Variants in TMEM260 observed in about 807,000 individuals in gnomAD.
The protein encoded by TMEM260 is transmembrane protein 260.
TMEM260 carries 82 observed loss-of-function variants against 88.9 expected under a neutral mutation model. The observed-to-expected ratio is 0.92, with a 90% confidence interval of 0.77 to 1.11. The LOEUF is 1.11. TMEM260 is among the 50% of genes least tolerant of loss of function. TMEM260 has a pLI of 0.00. For missense variants in TMEM260, 902 were observed against 853.4 expected (o/e 1.06, Z -0.71); for synonymous variants, 314 against 309.3 (o/e 1.02, Z -0.16).
At chr14:56,655,403 A>T (rs1419404067), downstream of TMEM260, among the ~76,000 whole-genome samples, 3 of 151,680 alleles carry the variant, frequency 2.0e-5, no homozygotes, top group Admixed American at 2.0e-4. Flanking sequence ...AAAAAAAAAA[A>T]GTAATTTGGC....
At position 56,625,427 on chromosome 14, in the gene TMEM260, C is replaced by CCAGGTGT; in HGVS notation, c.1447_1453dup (p.Asn485ArgfsTer18). On this transcript the variant is annotated frameshift_variant, in exon 12 of 16. Transcript: ENST00000261556. LOFTEE classifies it high-confidence loss of function. ...TTTACCCAAGATGGCAAAGCACTTG[C>CCAGGTGT]CAGGTGTCAACTTTCCTGGGAACCG... 1 of 1,613,908 alleles carries CCAGGTGT rather than the reference C, an allele frequency of 6.2e-7. No homozygotes were observed. Among genetic ancestry groups the CCAGGTGT allele is most frequent in the Non-Finnish European group, 8.5e-7 (1 of 1,179,948 alleles).
chr14:56,595,725 C>T (rs1316555439), intron 3 of TMEM260, among the ~76,000 whole-genome samples: 9 of 152,176 alleles, frequency 5.9e-5, no homozygotes, highest in East Asian at 1.9e-4. Context: ...CAAGCACAAG[C>T]GATCCTCTGC....
intron 14 of TMEM260, among the ~76,000 whole-genome samples, chr14:56,636,196 A>G (rs543942067): frequency 1.5e-3 from 228 of 152,274 alleles, no homozygotes; most frequent in Middle Eastern, 3.4e-3. Flanking sequence ...CAGACTCAGC[A>G]GGTTTCCCTT....
At chr14:56,593,615 A>T (rs1886005210) in intron 3 of TMEM260, among the ~76,000 whole-genome samples, 1 of 148,960 alleles carries the variant, frequency 6.7e-6, no homozygotes. Flanking sequence ...TCTTAGAATT[A>T]AGTTTACCTC....
chr14:56,642,709 A>G (rs938731044), intron 15 of TMEM260, among the ~76,000 whole-genome samples: 28 of 152,224 alleles, frequency 1.8e-4, no homozygotes, highest in African/African-American at 5.3e-4. Context: ...AAAAAAATCA[A>G]TGAATCCAGG....
At position 56,579,839 on chromosome 14, in the gene TMEM260, C is replaced by G. The variant is rs968954441; in HGVS notation, c.-76C>G. 6.6e-6 allele frequency: 8 copies of G among 1,209,014 alleles called. No individual in the cohort carries two copies. Among genetic ancestry groups the G allele is most frequent in the Non-Finnish European group, 8.3e-6 (8 of 967,844 alleles). 74.9% of individuals were successfully genotyped at this position (1,209,014 alleles called of 1,614,324 possible). On this transcript the variant is annotated 5_prime_UTR_variant, in exon 1 of 16. Transcript: ENST00000261556. ...TGGCCGCCGCACAAGCTGCGCTCGTCTCTCGGCTGGGGAGCTCCGTGTCGC... is the reference window on the plus strand; with the variant it reads ...TGGCCGCCGCACAAGCTGCGCTCGTGTCTCGGCTGGGGAGCTCCGTGTCGC...
chr14:56,639,838 T>A (rs1189628650), intron 15 of TMEM260, among the ~76,000 whole-genome samples: 1 of 152,214 alleles, frequency 6.6e-6, no homozygotes, highest in Admixed American at 6.5e-5. Flanking sequence ...GAGATTATAT[T>A]CTGCACCTGG....
intron 1 of TMEM260, among the ~76,000 whole-genome samples, chr14:56,583,586 C>T (rs1017143996): frequency 2.6e-5 from 4 of 151,912 alleles, no homozygotes; most frequent in African/African-American, 7.3e-5. Flanking sequence ...GAAAACCAAC[C>T]AGAATATAAG....
At chr14:56,636,652 T>G in intron 15 of TMEM260, 54 bp downstream of exon 15, 1 of 1,478,630 alleles carries the variant, frequency 6.8e-7, no homozygotes, top group Non-Finnish European at 9.5e-7. Context: ...AAGGTGATGG[T>G]GATTGTTCAG....
intron 2 of TMEM260, among the ~76,000 whole-genome samples, chr14:56,585,367 T>TA (rs1885425079): frequency 6.6e-6 from 1 of 152,148 alleles, no homozygotes; most frequent in Non-Finnish European, 1.5e-5. Flanking sequence ...GGCAAGACCT[T>TA]ACGACTGTCA....
At chr14:56,630,314 A>T (rs955756478) in intron 12 of TMEM260, among the ~76,000 whole-genome samples, 1 of 152,192 alleles carries the variant, frequency 6.6e-6, no homozygotes, top group Non-Finnish European at 1.5e-5. Flanking sequence ...GGAATTTTTC[A>T]TACATTATGT....
chr14:56,602,557 T>C (rs3759670), intron 3 of TMEM260, among the ~76,000 whole-genome samples: 111,185 of 151,966 alleles, frequency 0.73, 41,843 homozygotes, highest in Non-Finnish European at 0.82. Flanking sequence ...GCAGAATAGA[T>C]TGAAAAACAG....
chr14:56,649,490 A>G lies in TMEM260; in HGVS notation c.*1993A>G, dbSNP rs970336108. Reference sequence around the variant, plus strand: ...TCTTTTCTTTAAAAAAAAAAGTACAATAAAATTCAAACATTCCTTAGGAAA... The same window carrying G: ...TCTTTTCTTTAAAAAAAAAAGTACAGTAAAATTCAAACATTCCTTAGGAAA... On this transcript the variant is annotated 3_prime_UTR_variant, in exon 16 of 16. Coordinates refer to ENST00000261556, the MANE Select transcript of TMEM260 (RefSeq NM_017799.4). 3.3e-5 allele frequency: 5 copies of G among 152,322 alleles called. No individual in the cohort carries two copies. The highest frequency in any genetic ancestry group is 7.3e-5 in the Non-Finnish European group (5 of 68,036). The allele number at this position is 152,322 out of a possible 1,614,324, so 9.4% of individuals were successfully genotyped here. A position where few individuals can be genotyped will look rare whatever the true frequency, so the allele number is the denominator to read the frequency against.
chr14:56,607,728 T>G (rs932004438), intron 5 of TMEM260, among the ~76,000 whole-genome samples: 10 of 152,150 alleles, frequency 6.6e-5, no homozygotes, highest in African/African-American at 2.2e-4. Context: ...ATATATGTAT[T>G]TATTTATGCT....
At chr14:56,606,706 A>T (rs1487728205) in intron 5 of TMEM260, among the ~76,000 whole-genome samples, 1 of 152,178 alleles carries the variant, frequency 6.6e-6, no homozygotes, top group African/African-American at 2.4e-5. Context: ...AGCCTGGGCA[A>T]CACGGTGAAA....
At chr14:56,639,022 A>G (rs11848345) in intron 15 of TMEM260, among the ~76,000 whole-genome samples, 2,294 of 152,314 alleles carry the variant, frequency 0.015, 51 homozygotes, top group African/African-American at 0.053. Context: ...ATATTCCAGA[A>G]AAAGGTAGCA....
intron 3 of TMEM260, among the ~76,000 whole-genome samples, chr14:56,588,268 A>G (rs1472345205): frequency 6.6e-6 from 1 of 152,044 alleles, no homozygotes; most frequent in Non-Finnish European, 1.5e-5. Context: ...CAGTAAATTA[A>G]TTCTTTTAAC....
intron 3 of TMEM260, among the ~76,000 whole-genome samples, chr14:56,596,695 G>A (rs141730867): frequency 1.3e-4 from 19 of 148,698 alleles, no homozygotes; most frequent in African/African-American, 3.7e-4. Context: ...CCTGAGAGGC[G>A]GAGGTTGTGG....
Position 56,647,887 on chromosome 14 carries a change from AT to A in TMEM260, c.*392del, listed in dbSNP as rs1890065786. 6.2e-6 allele frequency: 1 copy of A among 161,390 alleles called. No homozygotes were observed. The allele number at this position is 161,390 out of a possible 1,614,324, so 10.0% of individuals were successfully genotyped here. ...AGTTTTAAAGTTAAATTCTTTTGAT[AT>A]TAATACCAGACCAAAGACATTTTCT... On this transcript the variant is annotated 3_prime_UTR_variant, in exon 16 of 16. Transcript: ENST00000261556.
Sources: gnomAD v4.1 joint callset for allele counts (sites outside exome capture counted in the v4.1 genomes callset) on GRCh38, gnomAD v4.1.1 for gene constraint, MANE v1.5 for transcripts, NCBI Gene and HGNC (gene_info 2026-07-23, HGNC 2026-07-21) for gene names.